ARFIP1: variants seen among roughly 807,000 people sequenced by gnomAD.
ARFIP1 encodes ARF interacting protein 1.
Under a neutral mutation model 42.5 loss-of-function variants are expected in ARFIP1, and 24 were observed. The observed-to-expected ratio is 0.57, with a 90% CI of 0.41 to 0.80. The LOEUF is 0.80. Ranked by LOEUF, ARFIP1 falls within the 30% of genes least tolerant of loss-of-function variation. The pLI is 0.00. For synonymous variants in ARFIP1, 141 were observed against 153.7 expected, an observed-to-expected ratio of 0.92 and a Z score of 0.61; for missense variants, 354 against 434.0, an observed-to-expected ratio of 0.82 and a Z score of 1.64.
chr4:152,890,713 A>T (rs1163853286), intron 8 of ARFIP1, among the ~76,000 whole-genome samples: 1 of 152,124 alleles, frequency 6.6e-6, no homozygotes, highest in Non-Finnish European at 1.5e-5. Flanking sequence ...TGAGATGATG[A>T]CAGAATACTC....
intron 3 of ARFIP1, among the ~76,000 whole-genome samples, chr4:152,869,344 G>A (rs1366211868): frequency 6.6e-6 from 1 of 151,990 alleles, no homozygotes; most frequent in Non-Finnish European, 1.5e-5. Flanking sequence ...AGCTAAACAT[G>A]GAAGGACTTT....
intron 2 of ARFIP1, among the ~76,000 whole-genome samples, chr4:152,837,979 T>G (rs1296155892): frequency 1.3e-5 from 2 of 152,248 alleles, no homozygotes; most frequent in Non-Finnish European, 2.9e-5. Flanking sequence ...GAATCCAGTT[T>G]CATTCTCCTA....
At chr4:152,854,661 A>G (rs544741696) in intron 2 of ARFIP1, among the ~76,000 whole-genome samples, 82 of 152,300 alleles carry the variant, frequency 5.4e-4, no homozygotes, top group African/African-American at 1.9e-3. Flanking sequence ...TGAGTAGGCT[A>G]CTTTGACTTT....
At chr4:152,858,066 C>T (rs951799108) in intron 2 of ARFIP1, among the ~76,000 whole-genome samples, 5 of 152,054 alleles carry the variant, frequency 3.3e-5, no homozygotes, top group Admixed American at 6.6e-5. Context: ...CTGAGACGGG[C>T]GAATCACTTG....
At chr4:152,804,463 A>G (rs1473813443) in intron 1 of ARFIP1, among the ~76,000 whole-genome samples, 1 of 108,388 alleles carries the variant, frequency 9.2e-6, no homozygotes, top group Non-Finnish European at 1.8e-5. Flanking sequence ...TATATATAAT[A>G]TATAATATAT....
At chr4:152,890,513 T>A (rs1201223458) in intron 8 of ARFIP1, among the ~76,000 whole-genome samples, 1 of 152,150 alleles carries the variant, frequency 6.6e-6, no homozygotes, top group Non-Finnish European at 1.5e-5. Context: ...TAATTAGGGA[T>A]CTTTTATAGC....
At chr4:152,802,745 T>C (rs1353916778) in intron 1 of ARFIP1, among the ~76,000 whole-genome samples, 1 of 152,218 alleles carries the variant, frequency 6.6e-6, no homozygotes, top group East Asian at 1.9e-4. Flanking sequence ...TACGTTTTAC[T>C]ATGAATAATG....
chr4:152,788,765 A>G (rs1185535643), intron 1 of ARFIP1, among the ~76,000 whole-genome samples: 2 of 150,612 alleles, frequency 1.3e-5, no homozygotes, highest in Non-Finnish European at 3.0e-5. Flanking sequence ...ATTAAAGTCC[A>G]TATTTTATTC....
intron 5 of ARFIP1, among the ~76,000 whole-genome samples, chr4:152,875,475 T>G (rs1735256254): frequency 6.6e-6 from 1 of 150,700 alleles, no homozygotes; most frequent in Admixed American, 6.6e-5. Context: ...GTTTAAGAAT[T>G]TGCCATTAGC....
At chr4:152,896,933 T>C (rs1318738281) in intron 8 of ARFIP1, among the ~76,000 whole-genome samples, 1 of 152,246 alleles carries the variant, frequency 6.6e-6, no homozygotes, top group Non-Finnish European at 1.5e-5. Context: ...ATGTGAGTTC[T>C]GTTGCAACAT....
intron 1 of ARFIP1, chr4:152,809,850 C>G (rs940398440): frequency 6.6e-6 from 1 of 152,234 alleles, no homozygotes; most frequent in Non-Finnish European, 1.5e-5. Flanking sequence ...CAAATGCACT[C>G]TTTCTGTTAG....
intron 2 of ARFIP1, among the ~76,000 whole-genome samples, chr4:152,845,268 C>T (rs182283597): frequency 1.3e-5 from 2 of 152,170 alleles, no homozygotes; most frequent in Non-Finnish European, 2.9e-5. Flanking sequence ...TACAAGAAAA[C>T]CTAGGAAACA....
intron 8 of ARFIP1, among the ~76,000 whole-genome samples, chr4:152,897,261 G>T (rs746491294): frequency 1.4e-4 from 22 of 151,908 alleles, no homozygotes; most frequent in Non-Finnish European, 2.2e-4. Flanking sequence ...AGTGAGTAGG[G>T]ATGAAAGCCT....
intron 1 of ARFIP1, among the ~76,000 whole-genome samples, chr4:152,814,847 T>C (rs1367863985): frequency 6.6e-6 from 1 of 152,218 alleles, no homozygotes; most frequent in East Asian, 1.9e-4. Flanking sequence ...GAAAGTTACT[T>C]GCATAGATCC....
chr4:152,835,147 T>C (rs1019808373), intron 2 of ARFIP1, among the ~76,000 whole-genome samples: 11 of 152,210 alleles, frequency 7.2e-5, no homozygotes, highest in Non-Finnish European at 1.5e-4. Context: ...CTAATCTCTC[T>C]AGCAAGTGGC....
At chr4:152,806,945 C>A (rs925182594) in intron 1 of ARFIP1, among the ~76,000 whole-genome samples, 3 of 151,768 alleles carry the variant, frequency 2.0e-5, no homozygotes, top group Admixed American at 1.3e-4. Context: ...CTCAAGTAGT[C>A]CTCCCACCTC....
chr4:152,823,139 A>C (rs1330861251), intron 1 of ARFIP1, among the ~76,000 whole-genome samples: 1 of 152,212 alleles, frequency 6.6e-6, no homozygotes, highest in Non-Finnish European at 1.5e-5. Flanking sequence ...AAAACTGATA[A>C]ACTACTCGCT....
intron 1 of ARFIP1, among the ~76,000 whole-genome samples, chr4:152,821,880 A>C (rs921724273): frequency 6.6e-6 from 1 of 152,234 alleles, no homozygotes; most frequent in African/African-American, 2.4e-5. Context: ...AGTTGTATAA[A>C]TGAAGGAGAA....
At chr4:152,846,034 C>G (rs1732511000) in intron 2 of ARFIP1, among the ~76,000 whole-genome samples, 1 of 152,124 alleles carries the variant, frequency 6.6e-6, no homozygotes, top group African/African-American at 2.4e-5. Flanking sequence ...AACATTATGT[C>G]TTTTGCAGGA....
Sources: gnomAD v4.1 joint callset for allele counts (sites outside exome capture counted in the v4.1 genomes callset) on GRCh38, gnomAD v4.1.1 for gene constraint, MANE v1.5 for transcripts, NCBI Gene and HGNC (gene_info 2026-07-23, HGNC 2026-07-21) for gene names.